The following PMPCB variants were observed in gnomAD, a reference collection of about 807,000 sequenced individuals.
The protein encoded by PMPCB is mitochondrial-processing peptidase subunit beta.
A neutral mutation model predicts 61.5 loss-of-function variants in PMPCB; 46 were observed. The observed-to-expected ratio is 0.75, with a 90% CI of 0.59 to 0.96. The LOEUF is 0.96. Ranked by LOEUF, PMPCB falls within the 40% of genes least tolerant of loss-of-function variation. The pLI is 0.00. For missense variants in PMPCB, 590 were observed against 602.4 expected (o/e 0.98, Z 0.22); for synonymous variants, 191 against 201.6 (o/e 0.95, Z 0.44).
At chr7:103,320,795 T>G (rs536523824) in intron 12 of PMPCB, 140 of 171,386 alleles carry the variant, frequency 8.2e-4, no homozygotes, top group Middle Eastern at 1.7e-3. Context: ...TCTGAAACTG[T>G]GTCTATATTC....
chr7:103,308,056 C>T (rs533176781), intron 7 of PMPCB, among the ~76,000 whole-genome samples: 2 of 152,272 alleles, frequency 1.3e-5, no homozygotes, highest in African/African-American at 2.4e-5. Context: ...CTTTTAAACC[C>T]CGTATTTTGA....
chr7:103,341,963 G>A, the PMPCB span: 1 of 1,556,160 alleles, frequency 6.4e-7, no homozygotes. Flanking sequence ...GGCTGTGATT[G>A]AAAGTGTTAA....
chr7:103,316,927 T>C (rs201929403), downstream of PMPCB: 115 of 1,613,996 alleles, frequency 7.1e-5, no homozygotes, highest in Non-Finnish European at 9.2e-5. Flanking sequence ...CCTCCACCAG[T>C]TGATTTCTCT....
At position 103,311,897 on chromosome 7, in the gene PMPCB, G is replaced by A; in HGVS notation, c.1329+1G>A. On this transcript the variant is annotated splice_donor_variant, in intron 11 of 12. Coordinates refer to ENST00000249269, the MANE Select transcript of PMPCB (RefSeq NM_004279.3). LOFTEE classifies it high-confidence loss of function. ...CCCTGAGCTTGAAGCAAGAATTGATGTAAGTAGTCCTGAGTTACTATTGGG... is the reference window on the plus strand; with the variant it reads ...CCCTGAGCTTGAAGCAAGAATTGATATAAGTAGTCCTGAGTTACTATTGGG... 1.3e-6 allele frequency: 2 copies of A among 1,596,924 alleles called. No homozygotes were observed. The highest frequency in any genetic ancestry group is 1.7e-6 in the Non-Finnish European group (2 of 1,165,460).
chr7:103,306,562 A>G (rs1817598264), intron 6 of PMPCB, among the ~76,000 whole-genome samples: 2 of 151,750 alleles, frequency 1.3e-5, no homozygotes, highest in Admixed American at 6.6e-5. Context: ...TTGTATTTTT[A>G]GTAGGGATGG....
chr7:103,324,496 T>G, intron 12 of PMPCB: 1 of 1,497,374 alleles, frequency 6.7e-7, no homozygotes, highest in Non-Finnish European at 9.0e-7. Flanking sequence ...AAGAATAAAA[T>G]ATATCTACAT....
intron 12 of PMPCB, chr7:103,324,697 GA>G: frequency 1.1e-6 from 1 of 898,892 alleles, no homozygotes; most frequent in Non-Finnish European, 1.5e-6. Flanking sequence ...TCTACAACTC[GA>G]AGATGGAGCT....
Position 103,298,560 on chromosome 7 carries a change from C to G in PMPCB, c.100-8C>G, listed in dbSNP as rs201898944. The G allele has an allele frequency of 2.9e-5, 46 of 1,613,234 alleles. No individual in the cohort carries two copies. Among genetic ancestry groups the G allele is most frequent in the Admixed American group, 1.2e-4 (7 of 59,932 alleles). On this transcript the variant is annotated splice_region_variant and splice_polypyrimidine_tract_variant and intron_variant, in intron 1 of 12. Coordinates refer to ENST00000249269, the MANE Select transcript of PMPCB (RefSeq NM_004279.3). ...GCTTTGTCTCTTCCACTTCCTACCC[C>G]CAACCAGTCATTATATTTTGGAGAG... is the stretch of plus-strand genomic sequence containing the variant.
Position 103,304,422 on chromosome 7 carries a change from G to GT in PMPCB, c.669dup (p.Lys224Ter). On this transcript the variant is annotated frameshift_variant, in exon 6 of 13. Transcript: ENST00000249269. LOFTEE classifies it high-confidence loss of function. ...TACTTCATTTACAGATCTATAAGTCGTAAGGACTTAGTGGATTATATAACC... is the reference window on the plus strand; with the variant it reads ...TACTTCATTTACAGATCTATAAGTCGTTAAGGACTTAGTGGATTATATAACC... 6.3e-7 allele frequency: 1 copy of GT among 1,584,060 alleles called. No individual in the cohort carries two copies. Among genetic ancestry groups the GT allele is most frequent in the Non-Finnish European group, 8.7e-7 (1 of 1,152,962 alleles).
chr7:103,325,984 T>C (rs1013862277), intron 12 of PMPCB, among the ~76,000 whole-genome samples: 3 of 152,286 alleles, frequency 2.0e-5, no homozygotes, highest in African/African-American at 7.2e-5. Flanking sequence ...ATACTGTTAT[T>C]TCTCTCAAAG....
rs753625490 is a variant in PMPCB, at chr7:103,312,598, C to T, written c.*327C>T. 1 of 1,613,582 alleles carries T rather than the reference C, an allele frequency of 6.2e-7. No homozygotes were observed. Among genetic ancestry groups the T allele is most frequent in the South Asian group, 1.1e-5 (1 of 90,980 alleles). ...TTCTTGGCTCTACTTGCATTCAGCA[C>T]TTGTTCTTGAGCAGCTTTCTTTGCT... On this transcript the variant is annotated 3_prime_UTR_variant, in exon 13 of 13. Transcript: ENST00000249269.
Position 103,311,637 on chromosome 7 carries a change from T to C in PMPCB, c.1155-6T>C. ...CCAACTACTACTGTTTTTCCACGTT[T>C]TTTAGGATGCGACTCTGTACAAGTG... is the stretch of plus-strand genomic sequence containing the variant. On this transcript the variant is annotated splice_region_variant and splice_polypyrimidine_tract_variant and intron_variant, in intron 9 of 12. Coordinates refer to ENST00000249269, the MANE Select transcript of PMPCB (RefSeq NM_004279.3). 6.2e-7 allele frequency: 1 copy of C among 1,608,734 alleles called. No individual in the cohort carries two copies. The highest frequency in any genetic ancestry group is 1.1e-5 in the South Asian group (1 of 89,716).
chr7:103,313,608 A>T lies in PMPCB; in HGVS notation c.*1337A>T, dbSNP rs767976272. 1.7e-5 allele frequency: 17 copies of T among 983,608 alleles called. No individual in the cohort carries two copies. The highest frequency in any genetic ancestry group is 1.9e-5 in the Non-Finnish European group (16 of 828,406). 60.9% of individuals were successfully genotyped at this position (983,608 alleles called of 1,614,324 possible). On this transcript the variant is annotated 3_prime_UTR_variant, in exon 13 of 13. Transcript: ENST00000249269. ...CAAAATTAAGCCAAGTGCCCAAGGT[A>T]CCAGTGCTGGAGAGGCAAGCTGAGA... is the stretch of plus-strand genomic sequence containing the variant.
rs1817337235 is a variant in PMPCB at position 103,298,029 on chromosome 7, T to A, written c.99+471T>A. On this transcript the variant is annotated intron_variant, in intron 1 of 12. Coordinates refer to ENST00000249269, the MANE Select transcript of PMPCB (RefSeq NM_004279.3). ...TAAGCAAAGGGATGTGAGACTTTTG[T>A]ATAAGGGCAAAGAAAAACTGCTGAA... 3 of 839,150 alleles carry A rather than the reference T, an allele frequency of 3.6e-6. No individual in the cohort carries two copies. In the South Asian group the frequency reaches 5.8e-5, roughly 16 times the overall value. 52.0% of individuals were successfully genotyped at this position (839,150 alleles called of 1,614,324 possible).
At chr7:103,300,075 C>T in intron 3 of PMPCB, 103 bp from the exon 4 acceptor site, 1 of 1,089,854 alleles carries the variant, frequency 9.2e-7, no homozygotes, top group Non-Finnish European at 1.3e-6. Context: ...CAAATTTGAC[C>T]CTGCATGAAA....
Position 103,303,829 on chromosome 7 carries a change from T to C in PMPCB, c.458-13T>C. 1.3e-6 allele frequency: 2 copies of C among 1,572,568 alleles called. No homozygotes were observed. Among genetic ancestry groups the C allele is most frequent in the Non-Finnish European group, 1.7e-6 (2 of 1,157,200 alleles). ...ATTGCTGGCACGTTTTCTTATATTT[T>C]ATTTTCAATTAGCTGTAGAAATTCT... On this transcript the variant is annotated splice_polypyrimidine_tract_variant and intron_variant, in intron 4 of 12. Transcript: ENST00000249269.
At chr7:103,345,539 G>T in the PMPCB span, among the ~76,000 whole-genome samples, 1 of 151,686 alleles carries the variant, frequency 6.6e-6, no homozygotes, top group Non-Finnish European at 1.5e-5. Context: ...AGGACCACCA[G>T]AAATTAGTAA....
At chr7:103,298,001 C>CT (rs1817336187) in intron 1 of PMPCB, 1 of 1,080,140 alleles carries the variant, frequency 9.3e-7, no homozygotes, top group African/African-American at 1.7e-5. Flanking sequence ...GAGCCTCTGA[C>CT]TTTAAGCAAA....
chr7:103,316,007 T>C (rs776080575), downstream of PMPCB: 2 of 1,598,968 alleles, frequency 1.3e-6, no homozygotes, highest in African/African-American at 1.3e-5. Context: ...GGAGACTCTT[T>C]GCTTTGCCAA....
Sources: gnomAD v4.1 joint callset for allele counts (sites outside exome capture counted in the v4.1 genomes callset) on GRCh38, gnomAD v4.1.1 for gene constraint, MANE v1.5 for transcripts, NCBI Gene and HGNC (gene_info 2026-07-23, HGNC 2026-07-21) for gene names.